GSPT1: variants seen among roughly 807,000 people sequenced by gnomAD.
GSPT1 encodes the protein eukaryotic peptide chain release factor GTP-binding subunit ERF3A.
GSPT1 carries 20 observed loss-of-function variants against 72.5 expected under a neutral mutation model. That is an observed-to-expected ratio of 0.28 (90% CI 0.19 to 0.40). The LOEUF (loss-of-function observed/expected upper bound fraction) is 0.40. Ranked by LOEUF, GSPT1 falls within the 10% of genes least tolerant of loss-of-function variation. GSPT1 has a pLI of 1.00. For missense variants in GSPT1, 580 were observed against 811.9 expected (o/e 0.71, Z 3.47); for synonymous variants, 334 against 293.5 (o/e 1.14, Z -1.41).
chr16:11,912,339 C>A, intron 1 of GSPT1, among the ~76,000 whole-genome samples: 1 of 113,924 alleles, frequency 8.8e-6, no homozygotes, highest in South Asian at 2.9e-4. Context: ...CAGAGCAAGA[C>A]TCCGTCTCAA....
At chr16:11,888,430 C>A (rs2054211460) in intron 6 of GSPT1, among the ~76,000 whole-genome samples, 1 of 150,164 alleles carries the variant, frequency 6.7e-6, no homozygotes, top group South Asian at 2.1e-4. Context: ...CCATCGCACT[C>A]CAGGCTGGGC....
chr16:11,901,870 C>T (rs965387801), intron 1 of GSPT1, among the ~76,000 whole-genome samples: 2 of 150,826 alleles, frequency 1.3e-5, no homozygotes, highest in South Asian at 2.1e-4. Context: ...TGGAGGCGGG[C>T]GGATCACCTG....
intron 6 of GSPT1, among the ~76,000 whole-genome samples, chr16:11,888,069 C>T (rs948833107): frequency 3.3e-5 from 5 of 152,290 alleles, no homozygotes; most frequent in East Asian, 3.9e-4. Context: ...GCAGGAGAAT[C>T]GCTTGAACCT....
At position 11,875,867 on chromosome 16, in the gene GSPT1, G is replaced by C. The variant is rs33657; in HGVS notation, c.1755C>G (p.Val585=). 0.44 allele frequency: 711,932 copies of C among 1,612,772 alleles called. 167,843 individuals are homozygous for C. The highest frequency in any genetic ancestry group is 0.85 in the East Asian group (38,169 of 44,838). ...GEKSKTRPRF[V]KQDQVCIARL... ...GAGCAATGCATACTTGATCTTGTTT[G>C]ACAAAACGGGGTCGGGTCTTACTTT... The change falls in exon 14 of 15, where the codon GTC becomes GTG. Residue 585 remains valine, a synonymous_variant. Transcript: ENST00000434724.
At chr16:11,898,974 T>C (rs560203547) in intron 1 of GSPT1, among the ~76,000 whole-genome samples, 1 of 152,184 alleles carries the variant, frequency 6.6e-6, no homozygotes, top group Non-Finnish European at 1.5e-5. Context: ...AATTTACTTA[T>C]GACATTACTG....
chr16:11,897,788 A>T, intron 3 of GSPT1, 52 bp downstream of exon 3: 1 of 873,328 alleles, frequency 1.1e-6, no homozygotes, highest in Non-Finnish European at 1.9e-6. Flanking sequence ...TTAAATCTTG[A>T]GAGTGAAAGA....
chr16:11,910,458 T>G (rs1017855585), intron 1 of GSPT1, among the ~76,000 whole-genome samples: 1 of 152,200 alleles, frequency 6.6e-6, no homozygotes, highest in Non-Finnish European at 1.5e-5. Flanking sequence ...TTTCATTCAG[T>G]GGACTGGTAA....
intron 6 of GSPT1, among the ~76,000 whole-genome samples, chr16:11,889,490 A>C (rs2054228189): frequency 6.9e-6 from 1 of 145,032 alleles, no homozygotes; most frequent in African/African-American, 2.6e-5. Flanking sequence ...GGTGCCCACC[A>C]CCACGCCCGG....
intron 14 of GSPT1, among the ~76,000 whole-genome samples, chr16:11,874,454 C>CT (rs200991035): frequency 0.21 from 19,215 of 92,650 alleles, 3,942 homozygotes; most frequent in Non-Finnish European, 0.28. Context: ...GCCAAGTTAG[C>CT]TTTTTTTTTT....
intron 3 of GSPT1, 68 bp downstream of exon 3, chr16:11,897,772 T>C (rs960937591): frequency 1.3e-6 from 1 of 781,274 alleles, no homozygotes; most frequent in South Asian, 1.5e-5. Context: ...ACTTACATAA[T>C]GCACCTTAAA....
intron 1 of GSPT1, among the ~76,000 whole-genome samples, chr16:11,914,021 G>A (rs2054593463): frequency 6.6e-6 from 1 of 152,170 alleles, no homozygotes; most frequent in Non-Finnish European, 1.5e-5. Context: ...AACTCCTGGA[G>A]CACTTTTATA....
chr16:11,886,733 A>G (rs1436792595), intron 8 of GSPT1, 44 bp downstream of exon 8: 1 of 1,585,090 alleles, frequency 6.3e-7, no homozygotes, highest in Non-Finnish European at 8.6e-7. Context: ...TAACAAAACC[A>G]TCCTTAATCC....
At chr16:11,896,228 G>A (rs1338424987) in intron 4 of GSPT1, among the ~76,000 whole-genome samples, 1 of 152,084 alleles carries the variant, frequency 6.6e-6, no homozygotes, top group African/African-American at 2.4e-5. Context: ...AGTTAACTGA[G>A]GTTCACATAA....
chr16:11,890,528 T>A (rs928070710), intron 6 of GSPT1, among the ~76,000 whole-genome samples: 1 of 152,138 alleles, frequency 6.6e-6, no homozygotes. Context: ...AATTTTATTT[T>A]AAAAAAATGA....
At chr16:11,885,571 G>T (rs1008229532) in intron 9 of GSPT1, among the ~76,000 whole-genome samples, 3 of 152,020 alleles carry the variant, frequency 2.0e-5, no homozygotes, top group African/African-American at 7.3e-5. Flanking sequence ...ATGAAACCAA[G>T]ATTCTATAAA....
Position 11,898,081 on chromosome 16 carries a change from C to A in GSPT1, c.353-46G>T, listed in dbSNP as rs781105139. 4.0e-6 allele frequency: 5 copies of A among 1,234,732 alleles called. No homozygotes were observed. In the African/African-American group the frequency reaches 7.5e-5, roughly 19 times the overall value. 76.5% of individuals were successfully genotyped at this position (1,234,732 alleles called of 1,614,324 possible). A position where few individuals can be genotyped will look rare whatever the true frequency, so the allele number is the denominator to read the frequency against. ...CTATTAAAAATTGATACTTATCCAT[C>A]CATTTCACTTATCTTTTAATATGCA... On this transcript the variant is annotated intron_variant, in intron 1 of 14. Transcript: ENST00000434724.
chr16:11,892,531 A>ATAAAAAAAT (rs1567443313), intron 5 of GSPT1, among the ~76,000 whole-genome samples: 2 of 139,862 alleles, frequency 1.4e-5, no homozygotes, highest in African/African-American at 5.7e-5. Context: ...AACAAAAAAA[A>ATAAAAAAAT]CAAAAAATAA....
Position 11,897,730 on chromosome 16 carries a change from G to A in GSPT1, c.436+110C>T, listed in dbSNP as rs1043827171. 1.8e-5 allele frequency: 12 copies of A among 671,512 alleles called. No individual in the cohort carries two copies. The East Asian group carries it at 3.3e-4, about 18-fold the overall frequency. The allele number at this position is 671,512 out of a possible 1,614,324, so 41.6% of individuals were successfully genotyped here. On this transcript the variant is annotated intron_variant, in intron 3 of 14. Coordinates refer to ENST00000434724, the MANE Select transcript of GSPT1 (RefSeq NM_002094.4). ...TAAATACTAATAGCAAAGACTCAAT[G>A]TGTCTTAAATGTAGGCATTACAATA... is the stretch of plus-strand genomic sequence containing the variant.
intron 3 of GSPT1, among the ~76,000 whole-genome samples, chr16:11,897,452 G>A (rs1471359771): frequency 6.6e-6 from 1 of 152,148 alleles, no homozygotes; most frequent in Non-Finnish European, 1.5e-5. Flanking sequence ...AGTTGTGGTG[G>A]TGTGCGCCTG....
Sources: gnomAD v4.1 joint callset for allele counts (sites outside exome capture counted in the v4.1 genomes callset) on GRCh38, gnomAD v4.1.1 for gene constraint, MANE v1.5 for transcripts, NCBI Gene and HGNC (gene_info 2026-07-23, HGNC 2026-07-21) for gene names.